Variants in SRPK2 observed in about 807,000 individuals in gnomAD.
The protein encoded by SRPK2 is SFRS protein kinase 2.
SRPK2 carries 21 observed loss-of-function variants against 90.8 expected under a neutral mutation model. That is an observed-to-expected ratio of 0.23 (90% CI 0.16 to 0.33). The LOEUF (loss-of-function observed/expected upper bound fraction) is 0.33, where lower values mean the gene tolerates loss of function less well. Among genes scored for constraint, SRPK2 ranks in the 10% least tolerant of loss-of-function variants. The probability of loss-of-function intolerance (pLI) is 1.00; values close to 1 mark genes in which losing one functional copy is unlikely to be tolerated. For synonymous variants in SRPK2, 288 were observed against 311.1 expected, an observed-to-expected ratio of 0.93 and a Z score of 0.78; for missense variants, 620 against 869.0, an observed-to-expected ratio of 0.71 and a Z score of 3.60.
chr7:105,143,528 G>A (rs151065352), intron 9 of SRPK2, 198 bp from the exon 10 acceptor site: 103 of 653,484 alleles, frequency 1.6e-4, no homozygotes, highest in African/African-American at 1.2e-3. Flanking sequence ...CTGATATCAC[G>A]TACTAGGTCT....
rs551378633 is a variant in SRPK2 at position 105,296,969 on chromosome 7, T to C, written c.71+91679A>G. Among the ~76,000 whole-genome samples the C allele has an allele frequency of 4.6e-5, 7 of 152,282 alleles. No homozygotes were observed. The South Asian group carries it at 6.2e-4, about 14-fold the overall frequency. ...CAGCTCCAGAGGCAACTATACATACTGCCTCTCATAATATTTACAGCAGGT... is the reference window on the plus strand; with the variant it reads ...CAGCTCCAGAGGCAACTATACATACCGCCTCTCATAATATTTACAGCAGGT... On this transcript the variant is annotated intron_variant, in intron 2 of 15. Transcript: ENST00000393651.
At chr7:105,171,465 A>G (rs1791138370) in intron 3 of SRPK2, among the ~76,000 whole-genome samples, 1 of 152,130 alleles carries the variant, frequency 6.6e-6, no homozygotes. Flanking sequence ...TAAAGATGTT[A>G]TTTCTTTTTT....
upstream of SRPK2, among the ~76,000 whole-genome samples, chr7:105,390,832 C>T (rs1205630245): frequency 6.6e-6 from 1 of 151,878 alleles, no homozygotes; most frequent in African/African-American, 2.4e-5. Context: ...GCAGAATGTT[C>T]CCTGTTTTGG....
At chr7:105,151,527 T>C (rs1805648842) in intron 7 of SRPK2, among the ~76,000 whole-genome samples, 1 of 152,240 alleles carries the variant, frequency 6.6e-6, no homozygotes, top group African/African-American at 2.4e-5. Flanking sequence ...TGATTTTTCA[T>C]CACTTTTTAA....
chr7:105,266,978 C>T (rs936496626), intron 2 of SRPK2, among the ~76,000 whole-genome samples: 24 of 152,140 alleles, frequency 1.6e-4, no homozygotes, highest in Non-Finnish European at 2.6e-4. Flanking sequence ...TTATAAGCTA[C>T]ATTTATCAAC....
intron 2 of SRPK2, among the ~76,000 whole-genome samples, chr7:105,233,040 A>G (rs780954585): frequency 1.4e-5 from 2 of 148,008 alleles, no homozygotes; most frequent in African/African-American, 5.0e-5. Flanking sequence ...GAGAAGAGAG[A>G]AGAGAGGGAG....
rs529279200 is a variant in SRPK2, at chr7:105,167,331, T to A, written c.514+46A>T. Reference sequence around the variant, plus strand: ...ATTATAGGAGCTTGAAATATTTTCATTTTTTAAAAGGTAAAAATACAAATA... The same window carrying A: ...ATTATAGGAGCTTGAAATATTTTCAATTTTTAAAAGGTAAAAATACAAATA... On this transcript the variant is annotated intron_variant, in intron 6 of 15. Coordinates refer to ENST00000393651, the MANE Select transcript of SRPK2 (RefSeq NM_182692.3). The A allele has an allele frequency of 2.0e-6, 3 of 1,524,060 alleles. No homozygotes were observed. The South Asian group carries it at 3.4e-5, about 17-fold the overall frequency. The allele number at this position is 1,524,060 out of a possible 1,614,324, so 94.4% of individuals were successfully genotyped here.
At chr7:105,257,165 A>G (rs111810823) in intron 2 of SRPK2, among the ~76,000 whole-genome samples, 2,400 of 152,324 alleles carry the variant, frequency 0.016, 64 homozygotes, top group African/African-American at 0.053. Context: ...CTAAGTGGCT[A>G]GTGCATAGCA....
At chr7:105,380,206 A>T (rs1820779737) in intron 2 of SRPK2, among the ~76,000 whole-genome samples, 1 of 152,192 alleles carries the variant, frequency 6.6e-6, no homozygotes, top group South Asian at 2.1e-4. Context: ...ATCTCAGCTC[A>T]AAGCAACCTC....
At chr7:105,290,815 G>C (rs945128378) in intron 2 of SRPK2, among the ~76,000 whole-genome samples, 51 of 150,760 alleles carry the variant, frequency 3.4e-4, no homozygotes, top group African/African-American at 1.2e-3. Flanking sequence ...GAGGCGGGTG[G>C]ATCATGAGGT....
At chr7:105,337,804 A>C (rs1815281786) in intron 2 of SRPK2, among the ~76,000 whole-genome samples, 1 of 152,190 alleles carries the variant, frequency 6.6e-6, no homozygotes, top group Admixed American at 6.6e-5. Context: ...TGTTGTTTTA[A>C]GCCACCCAGT....
chr7:105,286,036 G>T (rs73715555), intron 2 of SRPK2, among the ~76,000 whole-genome samples: 3 of 151,952 alleles, frequency 2.0e-5, no homozygotes, highest in Admixed American at 6.6e-5. Context: ...AAATACTATC[G>T]CATTATCTTC....
chr7:105,249,085 T>C (rs1802130864), intron 2 of SRPK2, among the ~76,000 whole-genome samples: 1 of 152,290 alleles, frequency 6.6e-6, no homozygotes, highest in East Asian at 1.9e-4. Flanking sequence ...GGCATATAAA[T>C]GGAAGTGACT....
chr7:105,262,186 A>G (rs1472344295), intron 2 of SRPK2, among the ~76,000 whole-genome samples: 1 of 152,234 alleles, frequency 6.6e-6, no homozygotes, highest in African/African-American at 2.4e-5. Flanking sequence ...TAATGTAGAA[A>G]CTACTACATC....
At chr7:105,315,451 C>T (rs1812204967) in intron 2 of SRPK2, among the ~76,000 whole-genome samples, 2 of 152,282 alleles carry the variant, frequency 1.3e-5, no homozygotes, top group Middle Eastern at 3.4e-3. Flanking sequence ...TGAAATCATA[C>T]ATGTAAAGTG....
At chr7:105,136,175 T>C (rs180756641) in intron 11 of SRPK2, among the ~76,000 whole-genome samples, 73 of 152,364 alleles carry the variant, frequency 4.8e-4, no homozygotes, top group African/African-American at 1.6e-3. Context: ...AACAGTTACT[T>C]AGCTTCTGAT....
chr7:105,215,747 T>C (rs1698428995), intron 2 of SRPK2, among the ~76,000 whole-genome samples: 1 of 152,124 alleles, frequency 6.6e-6, no homozygotes. Context: ...AAAGACCACA[T>C]GTATGATTCA....
At chr7:105,361,913 T>C (rs1251254268) in intron 2 of SRPK2, among the ~76,000 whole-genome samples, 7 of 151,992 alleles carry the variant, frequency 4.6e-5, no homozygotes, top group Non-Finnish European at 5.9e-5. Flanking sequence ...GACATAGGCA[T>C]GGGCAAGGAC....
At chr7:105,360,085 A>G (rs1339524039) in intron 2 of SRPK2, among the ~76,000 whole-genome samples, 1 of 152,226 alleles carries the variant, frequency 6.6e-6, no homozygotes, top group Non-Finnish European at 1.5e-5. Context: ...ATACAGATTT[A>G]GGATAGTTAG....
Sources: allele counts gnomAD v4.1 joint callset (sites outside exome capture counted in the v4.1 genomes callset), GRCh38; gene constraint gnomAD v4.1.1; transcripts MANE v1.5; gene names NCBI Gene and HGNC (gene_info 2026-07-23, HGNC 2026-07-21).